TLK2: variants seen among roughly 807,000 people sequenced by gnomAD.
TLK2 encodes tousled like kinase 2.
TLK2 carries 6 observed loss-of-function variants against 117.3 expected under a neutral mutation model. The ratio of observed to expected loss-of-function variants is 0.05; its 90% confidence interval spans 0.03 to 0.10. TLK2 has a LOEUF of 0.10. Among genes scored for constraint, TLK2 ranks in the 10% least tolerant of loss-of-function variants. The pLI is 1.00. For missense variants in TLK2, 299 were observed against 901.2 expected (o/e 0.33, Z 8.56); for synonymous variants, 257 against 316.7 (o/e 0.81, Z 2.00).
chr17:62,539,392 C>G (rs1274572109), intron 7 of TLK2, among the ~76,000 whole-genome samples: 1 of 151,982 alleles, frequency 6.6e-6, no homozygotes, highest in African/African-American at 2.4e-5. Context: ...CTCACATTCT[C>G]TATCTCTGAA....
chr17:62,556,362 T>C (rs1417510079), intron 9 of TLK2, among the ~76,000 whole-genome samples: 1 of 152,214 alleles, frequency 6.6e-6, no homozygotes, highest in East Asian at 1.9e-4. Flanking sequence ...TTATCAGCAG[T>C]ATTTTTTTTA....
chr17:62,514,022 G>A (rs563239645), intron 2 of TLK2, among the ~76,000 whole-genome samples: 4 of 152,134 alleles, frequency 2.6e-5, no homozygotes, highest in Non-Finnish European at 5.9e-5. Context: ...ACGATTAAAT[G>A]TGCTAATATA....
intron 2 of TLK2, among the ~76,000 whole-genome samples, chr17:62,485,880 A>G (rs1179540468): frequency 7.5e-6 from 1 of 134,136 alleles, no homozygotes; most frequent in African/African-American, 2.9e-5. Context: ...GAGTGCAGTG[A>G]TGCAATCTCT....
intron 19 of TLK2, among the ~76,000 whole-genome samples, chr17:62,604,419 TA>T (rs1303800307): frequency 1.3e-4 from 20 of 152,196 alleles, no homozygotes; most frequent in Non-Finnish European, 2.1e-4. Context: ...TATATATATA[TA>T]TTTTTAGCAC....
chr17:62,524,910 A>G (rs137883991), intron 6 of TLK2, among the ~76,000 whole-genome samples: 224 of 152,330 alleles, frequency 1.5e-3, no homozygotes, highest in African/African-American at 5.0e-3. Context: ...GGATGACACT[A>G]TAGGCATCTA....
At chr17:62,570,121 T>G (rs1352515252) in intron 11 of TLK2, among the ~76,000 whole-genome samples, 2 of 152,342 alleles carry the variant, frequency 1.3e-5, no homozygotes, top group African/African-American at 4.8e-5. Flanking sequence ...ATGTCCAGTA[T>G]GACCTCATCT....
chr17:62,518,487 TG>T (rs2075792629), intron 2 of TLK2, among the ~76,000 whole-genome samples: 1 of 152,128 alleles, frequency 6.6e-6, no homozygotes, highest in South Asian at 2.1e-4. Context: ...GCGGATCACT[TG>T]AAGGCAGGAG....
intron 7 of TLK2, chr17:62,549,578 G>T (rs1186979107): frequency 1.3e-5 from 2 of 151,682 alleles, no homozygotes; most frequent in Non-Finnish European, 2.9e-5. Flanking sequence ...AGTAAGGAAA[G>T]ATTGGATTTG....
rs2083286288 is a variant in TLK2, at chr17:62,606,117, T to A, written c.1860-13T>A. ...TCATTATTCTAATAATTTATATTTC[T>A]TTTTTGTCCCAGGTATTTACCACCA... On this transcript the variant is annotated splice_polypyrimidine_tract_variant and intron_variant, in intron 19 of 21. Coordinates refer to ENST00000346027, the MANE Select transcript of TLK2 (RefSeq NM_006852.6). 1 of 1,317,396 alleles carries A rather than the reference T, an allele frequency of 7.6e-7. No homozygotes were observed. Among genetic ancestry groups the A allele is most frequent in the Non-Finnish European group, 1.1e-6 (1 of 945,972 alleles). The allele number at this position is 1,317,396 out of a possible 1,614,324, so 81.6% of individuals were successfully genotyped here.
intron 9 of TLK2, among the ~76,000 whole-genome samples, chr17:62,556,904 C>A (rs2078904409): frequency 6.6e-6 from 1 of 152,154 alleles, no homozygotes; most frequent in African/African-American, 2.4e-5. Flanking sequence ...TTTACTGCAG[C>A]TCGTGTGAAT....
In TLK2 at chr17:62,538,089, G is replaced by A. The variant is rs1428442142; in HGVS notation, c.531+1752G>A. ...CTGGTTCTGTCGCCCAGTCTGGAGT[G>A]CAGTGGCCTGATCTTGGCTCACTGC... On this transcript the variant is annotated intron_variant, in intron 7 of 21. Coordinates refer to ENST00000346027, the MANE Select transcript of TLK2 (RefSeq NM_006852.6). 2.1e-5 allele frequency among the ~76,000 whole-genome samples: 3 copies of A among 139,794 alleles called. No individual in the cohort carries two copies. In the East Asian group the frequency reaches 6.5e-4, roughly 30 times the overall value. 91.7% of individuals were successfully genotyped at this position (139,794 alleles called of 152,430 possible).
intron 6 of TLK2, among the ~76,000 whole-genome samples, chr17:62,526,615 C>T (rs532763920): frequency 1.3e-5 from 2 of 152,194 alleles, no homozygotes; most frequent in Admixed American, 6.5e-5. Flanking sequence ...TTGAGCATGT[C>T]CAAAAAGGAA....
At chr17:62,497,936 T>C (rs1429367392) in intron 2 of TLK2, among the ~76,000 whole-genome samples, 2 of 152,186 alleles carry the variant, frequency 1.3e-5, no homozygotes, top group Non-Finnish European at 2.9e-5. Flanking sequence ...CCTCAGGTGA[T>C]CCACCCACCT....
intron 2 of TLK2, among the ~76,000 whole-genome samples, chr17:62,509,683 G>C (rs544224196): frequency 6.6e-6 from 1 of 152,286 alleles, no homozygotes; most frequent in African/African-American, 2.4e-5. Flanking sequence ...TGTATTAAGA[G>C]GTGATTAGGT....
intron 2 of TLK2, among the ~76,000 whole-genome samples, chr17:62,511,937 A>G (rs558384765): frequency 1.3e-5 from 2 of 152,340 alleles, no homozygotes; most frequent in African/African-American, 4.8e-5. Context: ...TCAAGAGTAC[A>G]ATTGCTGGGT....
intron 7 of TLK2, among the ~76,000 whole-genome samples, chr17:62,548,544 G>A (rs147580588): frequency 0.022 from 3,339 of 152,016 alleles, 142 homozygotes; most frequent in African/African-American, 0.076. Flanking sequence ...GCCTCCCAAA[G>A]TGACAGGATT....
At chr17:62,611,557 A>G (rs1382381757) in intron 21 of TLK2, among the ~76,000 whole-genome samples, 1 of 152,250 alleles carries the variant, frequency 6.6e-6, no homozygotes, top group Non-Finnish European at 1.5e-5. Context: ...CGAGAGAGCC[A>G]ATGAACCTAT....
Position 62,576,966 on chromosome 17 carries a change from C to CTTTTTTTTTTTTTTTTTTT in TLK2, c.1188+205_1188+206insTTTTTTTTTTTTTTTTTTT, listed in dbSNP as rs59523807. On this transcript the variant is annotated intron_variant, in intron 13 of 21. Coordinates refer to ENST00000346027, the MANE Select transcript of TLK2 (RefSeq NM_006852.6). Reference sequence around the variant, plus strand: ...ATATTTTTCCATTTTCTTTCTTCTTCTTTTTTTTTTTTTTGAGTTGGAGTC... The same window carrying CTTTTTTTTTTTTTTTTTTT: ...ATATTTTTCCATTTTCTTTCTTCTTCTTTTTTTTTTTTTTTTTTTTTTTTTTTTTTTTTGAGTTGGAGTC... Among the ~76,000 whole-genome samples, 20 of 115,926 alleles carry CTTTTTTTTTTTTTTTTTTT rather than the reference C, an allele frequency of 1.7e-4. 1 individual carries two copies. Among genetic ancestry groups the CTTTTTTTTTTTTTTTTTTT allele is most frequent in the South Asian group, 3.2e-4 (1 of 3,154 alleles). The allele number at this position is 115,926 out of a possible 152,430, so 76.1% of individuals were successfully genotyped here.
chr17:62,572,591 T>G (rs1283763258), intron 11 of TLK2, among the ~76,000 whole-genome samples: 3 of 152,238 alleles, frequency 2.0e-5, no homozygotes, highest in Non-Finnish European at 2.9e-5. Flanking sequence ...TAAGGAGTTC[T>G]TACTAGTTGG....
Sources: allele counts gnomAD v4.1 joint callset (sites outside exome capture counted in the v4.1 genomes callset), GRCh38; gene constraint gnomAD v4.1.1; transcripts MANE v1.5; gene names NCBI Gene and HGNC (gene_info 2026-07-23, HGNC 2026-07-21).